DLG2: variants seen among roughly 807,000 people sequenced by gnomAD.
The protein encoded by DLG2 is disks large homolog 2.
A neutral mutation model predicts 132.5 loss-of-function variants in DLG2; 45 were observed. That is an observed-to-expected ratio of 0.34 (90% CI 0.27 to 0.44). The LOEUF (loss-of-function observed/expected upper bound fraction) is 0.44, where lower values mean the gene tolerates loss of function less well. Among genes scored for constraint, DLG2 ranks in the 20% least tolerant of loss-of-function variants. The probability of loss-of-function intolerance (pLI) is 1.00; values close to 1 mark genes in which losing one functional copy is unlikely to be tolerated. For synonymous variants in DLG2, 424 were observed against 419.6 expected (o/e 1.01, Z -0.13); for missense variants, 1,045 against 1,196.9 (o/e 0.87, Z 1.87).
Position 85,514,782 on chromosome 11 carries a change from T to C in DLG2, c.40+83875A>G, listed in dbSNP as rs949417229. On this transcript the variant is annotated intron_variant, in intron 3 of 27. Transcript: ENST00000376104. Reference sequence around the variant, plus strand: ...TTTTCATACGCTCTTGGTTTCAGTGTATCTGAGTTTCAGGAAGGAGTCACT... The same window carrying C: ...TTTTCATACGCTCTTGGTTTCAGTGCATCTGAGTTTCAGGAAGGAGTCACT... Among the ~76,000 whole-genome samples the C allele has an allele frequency of 9.9e-5, 15 of 152,056 alleles. No homozygotes were observed. The South Asian group carries it at 2.5e-3, about 25-fold the overall frequency.
chr11:85,056,997 A>C (rs2063527495), intron 6 of DLG2, among the ~76,000 whole-genome samples: 1 of 151,884 alleles, frequency 6.6e-6, no homozygotes, highest in Admixed American at 6.6e-5. Context: ...GCAGAAACAT[A>C]CAGAAAGGAT....
intron 6 of DLG2, among the ~76,000 whole-genome samples, chr11:84,700,997 C>A (rs1326308887): frequency 1.3e-5 from 2 of 151,394 alleles, no homozygotes; most frequent in African/African-American, 4.8e-5. Context: ...TCCATTCTGG[C>A]TTTCAGGATG....
chr11:85,359,998 C>T (rs1331855020), intron 3 of DLG2, among the ~76,000 whole-genome samples: 1 of 152,130 alleles, frequency 6.6e-6, no homozygotes, highest in Non-Finnish European at 1.5e-5. Flanking sequence ...CTCATTCTCT[C>T]TATACTCAGC....
chr11:85,198,827 A>G (rs530722416), intron 4 of DLG2, among the ~76,000 whole-genome samples: 38 of 152,192 alleles, frequency 2.5e-4, no homozygotes, highest in African/African-American at 8.9e-4. Context: ...CCACACTTAA[A>G]TTCTCATCAG....
intron 11 of DLG2, among the ~76,000 whole-genome samples, chr11:84,035,120 T>TC (rs1164786977): frequency 8.5e-5 from 13 of 152,238 alleles, no homozygotes; most frequent in African/African-American, 2.9e-4. Context: ...GTTCATTTTT[T>TC]CTCAAGCTTT....
chr11:84,106,980 GT>G (rs1307728370), intron 9 of DLG2, among the ~76,000 whole-genome samples: 1,375 of 104,948 alleles, frequency 0.013, 33 homozygotes, highest in African/African-American at 0.046. Context: ...TAGCCTTAGG[GT>G]GTGTGTGTGT....
intron 18 of DLG2, among the ~76,000 whole-genome samples, chr11:83,638,896 G>A (rs2065592831): frequency 6.6e-6 from 1 of 152,146 alleles, no homozygotes; most frequent in African/African-American, 2.4e-5. Flanking sequence ...ATGGAGCAAG[G>A]TCATAGGTGT....
intron 7 of DLG2, among the ~76,000 whole-genome samples, chr11:84,446,401 T>C (rs1417691132): frequency 1.3e-5 from 2 of 152,146 alleles, no homozygotes; most frequent in African/African-American, 2.4e-5. Context: ...ATTTTCTGCA[T>C]CGTATTGTAC....
intron 16 of DLG2, among the ~76,000 whole-genome samples, chr11:83,865,034 T>C (rs1401590397): frequency 6.6e-6 from 1 of 152,154 alleles, no homozygotes; most frequent in Non-Finnish European, 1.5e-5. Flanking sequence ...CCCGCAAATA[T>C]TCATCAGATA....
intron 8 of DLG2, among the ~76,000 whole-genome samples, chr11:84,240,487 T>C (rs1476716705): frequency 6.6e-6 from 1 of 152,176 alleles, no homozygotes; most frequent in Non-Finnish European, 1.5e-5. Flanking sequence ...CCAGCTGGTA[T>C]ATGGTTGAAT....
At chr11:85,324,324 C>A (rs957295682) in intron 3 of DLG2, among the ~76,000 whole-genome samples, 1 of 152,078 alleles carries the variant, frequency 6.6e-6, no homozygotes, top group Non-Finnish European at 1.5e-5. Flanking sequence ...AGCTTTCCTG[C>A]TAGATAGACT....
At chr11:84,698,540 C>A (rs975104307) in intron 6 of DLG2, among the ~76,000 whole-genome samples, 1 of 151,468 alleles carries the variant, frequency 6.6e-6, no homozygotes, top group Non-Finnish European at 1.5e-5. Flanking sequence ...GTAAAATATA[C>A]AATTCATAAA....
In DLG2 at chr11:83,725,265, A is replaced by G. The variant is rs1316166939; in HGVS notation, c.1825+61425T>C. 2 of 213,012 alleles carry G rather than the reference A, an allele frequency of 9.4e-6. 1 individual carries two copies. The highest frequency in any genetic ancestry group is 1.1e-4 in the Admixed American group (2 of 18,948). The allele number at this position is 213,012 out of a possible 1,614,324, so 13.2% of individuals were successfully genotyped here. ...GGGAGGCTGCTGAAGGACGCCAGGA[A>G]GAATTCTTATCTCCAAATTCAATCC... On this transcript the variant is annotated intron_variant, in intron 18 of 27. Coordinates refer to ENST00000376104, the MANE Select transcript of DLG2 (RefSeq NM_001142699.3).
intron 21 of DLG2, among the ~76,000 whole-genome samples, chr11:83,502,786 C>G (rs1321272992): frequency 6.6e-6 from 1 of 152,038 alleles, no homozygotes; most frequent in East Asian, 1.9e-4. Context: ...AGGAAATTAC[C>G]CTCACTGAGA....
In DLG2 at chr11:85,437,311, T is replaced by TAA. The variant is rs111269575; in HGVS notation, c.41-151948_41-151947dup. 7.9e-5 allele frequency among the ~76,000 whole-genome samples: 10 copies of TAA among 127,330 alleles called. 1 individual carries two copies. The highest frequency in any genetic ancestry group is 2.4e-4 in the South Asian group (1 of 4,184). The allele number at this position is 127,330 out of a possible 152,430, so 83.5% of individuals were successfully genotyped here. On this transcript the variant is annotated intron_variant, in intron 3 of 27. Coordinates refer to ENST00000376104, the MANE Select transcript of DLG2 (RefSeq NM_001142699.3). ...TGCTCATGTATCCTGGAACTTAAAGTAAAAAAAAAAACAAAAAAAAAGAGA... is the reference window on the plus strand; with the variant it reads ...TGCTCATGTATCCTGGAACTTAAAGTAAAAAAAAAAAAACAAAAAAAAAGAGA...
chr11:84,255,355 G>C (rs576525311), intron 7 of DLG2, among the ~76,000 whole-genome samples: 1 of 151,968 alleles, frequency 6.6e-6, no homozygotes, highest in Admixed American at 6.6e-5. Context: ...ATGGGGTCTC[G>C]CTCTATCACC....
At chr11:84,685,529 T>C (rs910502886) in intron 6 of DLG2, among the ~76,000 whole-genome samples, 2 of 152,180 alleles carry the variant, frequency 1.3e-5, no homozygotes, top group African/African-American at 4.8e-5. Context: ...CTCATACATA[T>C]ATTACCCATT....
intron 7 of DLG2, among the ~76,000 whole-genome samples, chr11:84,475,800 C>T (rs898129483): frequency 6.6e-6 from 1 of 152,060 alleles, no homozygotes; most frequent in Non-Finnish European, 1.5e-5. Flanking sequence ...CCCAAAGAAA[C>T]CCACCTGGGG....
At chr11:85,132,110 G>A (rs1178791207) in intron 5 of DLG2, among the ~76,000 whole-genome samples, 1 of 152,026 alleles carries the variant, frequency 6.6e-6, no homozygotes, top group East Asian at 1.9e-4. Context: ...GCTATTTTCT[G>A]TAAAACAAAT....
Sources: allele counts gnomAD v4.1 joint callset (sites outside exome capture counted in the v4.1 genomes callset), GRCh38; gene constraint gnomAD v4.1.1; transcripts MANE v1.5; gene names NCBI Gene and HGNC (gene_info 2026-07-23, HGNC 2026-07-21).